Variants in PACSIN2 observed in about 807,000 individuals in gnomAD.
The protein encoded by PACSIN2 is protein kinase C and casein kinase substrate in neurons protein 2.
PACSIN2 carries 25 observed loss-of-function variants against 63.8 expected under a neutral mutation model. The ratio of observed to expected loss-of-function variants is 0.39; its 90% CI spans 0.29 to 0.55. PACSIN2 has a LOEUF of 0.55. PACSIN2 is among the 20% of genes least tolerant of loss of function. PACSIN2 has a pLI of 0.62. For missense variants in PACSIN2, 518 were observed against 646.9 expected, an observed-to-expected ratio of 0.80 and a Z score of 2.16; for synonymous variants, 255 against 256.2, an observed-to-expected ratio of 1.00 and a Z score of 0.05.
Position 42,885,500 on chromosome 22 carries a change from G to C in PACSIN2, c.610-939C>G, listed in dbSNP as rs527833277. Among the ~76,000 whole-genome samples the C allele has an allele frequency of 1.8e-4, 27 of 152,242 alleles. 1 individual carries two copies. In the South Asian group the frequency reaches 5.4e-3, roughly 30 times the overall value. On this transcript the variant is annotated intron_variant, in intron 5 of 10. Coordinates refer to ENST00000263246, the MANE Select transcript of PACSIN2 (RefSeq NM_001184970.3). ...TTTGCTGTCCCTAACAACATGTGCA[G>C]GGCCTTCTGAGGAAGGATGGAGCGC...
chr22:42,949,704 A>ACT (rs547280326), intron 1 of PACSIN2, among the ~76,000 whole-genome samples: 1 of 148,432 alleles, frequency 6.7e-6, no homozygotes, highest in African/African-American at 2.6e-5. Flanking sequence ...ACTCACACAC[A>ACT]CTCTCTCACA....
intron 1 of PACSIN2, among the ~76,000 whole-genome samples, chr22:42,940,758 A>G (rs1010251029): frequency 2.6e-5 from 4 of 152,210 alleles, no homozygotes; most frequent in Non-Finnish European, 4.4e-5. Context: ...AAAGAATAAA[A>G]TTCTGGGTAT....
chr22:42,952,685 T>G (rs1933751656), intron 1 of PACSIN2, among the ~76,000 whole-genome samples: 1 of 148,478 alleles, frequency 6.7e-6, no homozygotes, highest in Non-Finnish European at 1.5e-5. Context: ...TTTTTTGAGA[T>G]GGAGTCTCGC....
At chr22:42,933,963 C>T (rs374831457) in intron 1 of PACSIN2, among the ~76,000 whole-genome samples, 5 of 152,150 alleles carry the variant, frequency 3.3e-5, no homozygotes, top group African/African-American at 1.2e-4. Context: ...TAAAAATAAA[C>T]CGGATACTCA....
At chr22:42,905,969 G>GT (rs1435740509) in intron 2 of PACSIN2, among the ~76,000 whole-genome samples, 1 of 152,236 alleles carries the variant, frequency 6.6e-6, no homozygotes, top group Non-Finnish European at 1.5e-5. Context: ...CTTCAAGTAT[G>GT]TAAGTCCCTC....
chr22:42,921,935 C>T (rs924166561), intron 1 of PACSIN2, among the ~76,000 whole-genome samples: 5 of 152,150 alleles, frequency 3.3e-5, no homozygotes, highest in East Asian at 1.9e-4. Context: ...GACGGGGTTT[C>T]GCCATGTTGG....
rs532867305 is a variant in PACSIN2, at chr22:42,987,897, T to C, written c.-78+27124A>G. Among the ~76,000 whole-genome samples the C allele has an allele frequency of 7.9e-5, 12 of 152,110 alleles. No individual in the cohort carries two copies. The East Asian group carries it at 2.1e-3, about 27-fold the overall frequency. ...GGTTTATGTCTGTAATCCCAGCACT[T>C]TGGGAGGCTGAGGCGGGCAGATCAC... On this transcript the variant is annotated intron_variant, in intron 1 of 10. Coordinates refer to ENST00000263246, the MANE Select transcript of PACSIN2 (RefSeq NM_001184970.3).
intron 1 of PACSIN2, among the ~76,000 whole-genome samples, chr22:42,997,709 G>T (rs974091198): frequency 6.6e-6 from 1 of 151,512 alleles, no homozygotes; most frequent in African/African-American, 2.4e-5. Context: ...CCAAATACAG[G>T]TCAACAAAAA....
At chr22:42,889,756 G>A (rs928047785) in intron 4 of PACSIN2, among the ~76,000 whole-genome samples, 1 of 152,096 alleles carries the variant, frequency 6.6e-6, no homozygotes, top group African/African-American at 2.4e-5. Context: ...TGAGGGCTGG[G>A]GTGGACAGAT....
intron 1 of PACSIN2, among the ~76,000 whole-genome samples, chr22:42,924,742 CCA>C (rs1932423168): frequency 6.6e-6 from 1 of 152,024 alleles, no homozygotes; most frequent in African/African-American, 2.4e-5. Context: ...AGCCCCCACC[CCA>C]GTGAGGTTTT....
Position 43,014,079 on chromosome 22 carries a change from G to A in PACSIN2, c.-78+942C>T, listed in dbSNP as rs573824518. Among the ~76,000 whole-genome samples the A allele has an allele frequency of 4.6e-5, 7 of 152,276 alleles. No individual in the cohort carries two copies. The East Asian group carries it at 1.4e-3, about 29-fold the overall frequency. On this transcript the variant is annotated intron_variant, in intron 1 of 10. Coordinates refer to ENST00000263246, the MANE Select transcript of PACSIN2 (RefSeq NM_001184970.3). ...GAAAAGAAAATCGACCTTCTCTGAT[G>A]GAGCCGAAACCCAATGAATCAATGA...
Position 42,876,905 on chromosome 22 carries a change from G to A in PACSIN2, c.1134C>T (p.Asp378=), listed in dbSNP as rs770314133. Residue 378 remains aspartate, a synonymous_variant, in exon 9 of 11, where the codon GAC becomes GAT. Transcript: ENST00000263246. The part of the protein sequence containing the change: ...DDTGSTVSEK[D]DTKAKNVSSY... ...TCACCAACTTTTTGGCCTTAGTGTC[G>A]TCCTTCTCACTGACGGTGCTGCCCG... The A allele has an allele frequency of 7.5e-5, 121 of 1,614,060 alleles. No homozygotes were observed. The highest frequency in any genetic ancestry group is 2.3e-4 in the South Asian group (21 of 91,088).
At chr22:43,000,779 A>G (rs1361296117) in intron 1 of PACSIN2, among the ~76,000 whole-genome samples, 1 of 152,244 alleles carries the variant, frequency 6.6e-6, no homozygotes, top group Admixed American at 6.5e-5. Flanking sequence ...AACAAAGGAT[A>G]AAACTGGAAT....
intron 2 of PACSIN2, 55 bp from the exon 3 acceptor site, chr22:42,893,668 T>A (rs903322084): frequency 6.3e-7 from 1 of 1,576,140 alleles, no homozygotes; most frequent in East Asian, 2.3e-5. Context: ...TGTCCTTGGC[T>A]GTGGCACAAA....
At chr22:42,971,417 C>T (rs1027129218) in intron 1 of PACSIN2, among the ~76,000 whole-genome samples, 2 of 152,170 alleles carry the variant, frequency 1.3e-5, no homozygotes, top group African/African-American at 4.8e-5. Flanking sequence ...AGTGCAGTGG[C>T]GTGATCTCGG....
chr22:42,947,000 C>T (rs1238665788), intron 1 of PACSIN2: 2 of 152,348 alleles, frequency 1.3e-5, no homozygotes, highest in Non-Finnish European at 1.5e-5. Flanking sequence ...TACTTCCCGA[C>T]GACGCCTCCT....
At chr22:42,932,454 G>A (rs984416940) in intron 1 of PACSIN2, among the ~76,000 whole-genome samples, 4 of 152,118 alleles carry the variant, frequency 2.6e-5, no homozygotes, top group East Asian at 3.9e-4. Context: ...TTCCAGAAGC[G>A]TATCTCACAT....
intron 2 of PACSIN2, among the ~76,000 whole-genome samples, chr22:42,898,888 G>C (rs1371980548): frequency 6.6e-6 from 1 of 152,234 alleles, no homozygotes; most frequent in Non-Finnish European, 1.5e-5. Flanking sequence ...ATCAGGAGCA[G>C]AGAAAGGGGC....
At chr22:42,979,433 G>A (rs4822242) in intron 1 of PACSIN2, among the ~76,000 whole-genome samples, 92,107 of 149,966 alleles carry the variant, frequency 0.61, 28,923 homozygotes, top group East Asian at 0.78. Context: ...CTGAGGCATG[G>A]GAATCACTTG....
Sources: gnomAD v4.1 joint callset for allele counts (sites outside exome capture counted in the v4.1 genomes callset) on GRCh38, gnomAD v4.1.1 for gene constraint, MANE v1.5 for transcripts, NCBI Gene and HGNC (gene_info 2026-07-23, HGNC 2026-07-21) for gene names.